The following MSI2 variants were observed in gnomAD, a reference collection of about 807,000 sequenced individuals.
MSI2 encodes the protein musashi RNA binding protein 2, also known as RNA-binding protein Musashi homolog 2.
MSI2 carries 17 observed loss-of-function variants against 45.6 expected under a neutral mutation model. The ratio of observed to expected loss-of-function variants is 0.37; its 90% CI spans 0.26 to 0.56. The LOEUF (loss-of-function observed/expected upper bound fraction) is 0.56. MSI2 is among the 20% of genes least tolerant of loss of function. The probability of loss-of-function intolerance (pLI) is 0.77; values close to 1 mark genes in which losing one functional copy is unlikely to be tolerated. For missense variants in MSI2, 293 were observed against 444.2 expected (o/e 0.66, Z 3.06); for synonymous variants, 156 against 158.2 (o/e 0.99, Z 0.11).
chr17:57,482,291 A>G (rs1211497273), intron 6 of MSI2, among the ~76,000 whole-genome samples: 2 of 152,204 alleles, frequency 1.3e-5, no homozygotes, highest in Non-Finnish European at 2.9e-5. Context: ...TGGAAACACC[A>G]TCGGCTCACA....
At chr17:57,619,134 C>G (rs1246748676) in intron 9 of MSI2, among the ~76,000 whole-genome samples, 1 of 152,220 alleles carries the variant, frequency 6.6e-6, no homozygotes, top group East Asian at 1.9e-4. Flanking sequence ...AAAGAGTGCT[C>G]AGCCTCCCAG....
intron 6 of MSI2, among the ~76,000 whole-genome samples, chr17:57,457,706 G>A (rs2085142270): frequency 6.6e-6 from 1 of 151,988 alleles, no homozygotes; most frequent in Admixed American, 6.6e-5. Context: ...ACCAGCCTGG[G>A]CAACATAGCA....
At chr17:57,363,314 C>T (rs145431859) in intron 5 of MSI2, among the ~76,000 whole-genome samples, 149 of 152,336 alleles carry the variant, frequency 9.8e-4, no homozygotes, top group African/African-American at 3.5e-3. Context: ...ATCCATAGAG[C>T]TCCCCACCCC....
intron 13 of MSI2, among the ~76,000 whole-genome samples, chr17:57,679,141 G>C (rs936374947): frequency 6.6e-6 from 1 of 151,950 alleles, no homozygotes; most frequent in South Asian, 2.1e-4. Flanking sequence ...TTTTTTGTTT[G>C]TTTGTTTGTT....
At chr17:57,694,611 G>T in the MSI2 span, among the ~76,000 whole-genome samples, 1 of 151,516 alleles carries the variant, frequency 6.6e-6, no homozygotes, top group South Asian at 2.1e-4. Context: ...TTTTTTTTTA[G>T]AAGGCTAAGC....
chr17:57,381,356 G>A (rs998380987), intron 5 of MSI2, among the ~76,000 whole-genome samples: 6 of 152,108 alleles, frequency 3.9e-5, no homozygotes, highest in African/African-American at 1.4e-4. Flanking sequence ...GTGAGCCACC[G>A]TGCCTGGCCA....
At chr17:57,597,588 T>C (rs1295758441) in intron 8 of MSI2, among the ~76,000 whole-genome samples, 1 of 151,666 alleles carries the variant, frequency 6.6e-6, no homozygotes, top group Non-Finnish European at 1.5e-5. Flanking sequence ...ATCACACCAC[T>C]GTACTCCAGC....
At chr17:57,385,077 G>T (rs148805851) in intron 5 of MSI2, among the ~76,000 whole-genome samples, 11 of 152,160 alleles carry the variant, frequency 7.2e-5, no homozygotes, top group Non-Finnish European at 1.5e-4. Context: ...CCTTGCTTTA[G>T]TTCAGGGTCC....
chr17:57,443,197 C>G (rs1414478868), intron 6 of MSI2, among the ~76,000 whole-genome samples: 1 of 152,144 alleles, frequency 6.6e-6, no homozygotes, highest in Non-Finnish European at 1.5e-5. Context: ...TGGCTTCGGC[C>G]TTGGGTAAAG....
intron 5 of MSI2, among the ~76,000 whole-genome samples, chr17:57,393,682 T>G (rs956332273): frequency 1.3e-5 from 2 of 152,100 alleles, no homozygotes; most frequent in Non-Finnish European, 2.9e-5. Flanking sequence ...GTTTATTTAT[T>G]TATTTATTTA....
intron 7 of MSI2, among the ~76,000 whole-genome samples, chr17:57,533,724 C>T (rs531063446): frequency 6.6e-6 from 1 of 152,280 alleles, no homozygotes; most frequent in South Asian, 2.1e-4. Flanking sequence ...TTGCGATGCC[C>T]TTCTGTAATG....
rs961478745 is a variant in MSI2 at position 57,529,902 on chromosome 17, C to G, written c.454+178C>G. 6.6e-6 allele frequency among the ~76,000 whole-genome samples: 1 copy of G among 152,168 alleles called. No homozygotes were observed. The highest frequency in any genetic ancestry group is 1.5e-5 in the Non-Finnish European group (1 of 68,030). On this transcript the variant is annotated intron_variant, in intron 7 of 13. Transcript: ENST00000284073. This position sits in a 1 kb window ranked among gnomAD's most constrained non-coding sequence, Gnocchi z 5.3. ...CCCAGTAGCACAAAGAGTTCCAGTA[C>G]TGGATAGCTGAAAAACCATTTCCTT... is the stretch of plus-strand genomic sequence containing the variant.
chr17:57,644,161 T>C (rs867295731), intron 10 of MSI2, among the ~76,000 whole-genome samples: 1 of 151,756 alleles, frequency 6.6e-6, no homozygotes. Flanking sequence ...TCCCAAAAAA[T>C]ATGTGTTTAA....
chr17:57,471,680 G>A (rs2085440325), intron 6 of MSI2, among the ~76,000 whole-genome samples: 1 of 152,188 alleles, frequency 6.6e-6, no homozygotes, highest in South Asian at 2.1e-4. Flanking sequence ...GCGTGCAGCT[G>A]CAGGAGACCA....
At chr17:57,424,722 A>G (rs1432530993) in intron 6 of MSI2, among the ~76,000 whole-genome samples, 1 of 151,070 alleles carries the variant, frequency 6.6e-6, no homozygotes, top group Non-Finnish European at 1.5e-5. Context: ...AGTGTTTCCC[A>G]TGGGAGTTGC....
intron 6 of MSI2, among the ~76,000 whole-genome samples, chr17:57,508,491 TA>T (rs2086284486): frequency 6.6e-6 from 1 of 152,196 alleles, no homozygotes; most frequent in African/African-American, 2.4e-5. Context: ...ATTTGAAGGC[TA>T]AAGTTTAGGG....
At chr17:57,298,749 C>T (rs148181230) in intron 5 of MSI2, among the ~76,000 whole-genome samples, 2 of 152,292 alleles carry the variant, frequency 1.3e-5, no homozygotes, top group East Asian at 1.9e-4. Flanking sequence ...TCTTAAGGGC[C>T]CTAGGAATTT....
At chr17:57,296,667 G>T (rs963498105) in intron 5 of MSI2, among the ~76,000 whole-genome samples, 3 of 152,064 alleles carry the variant, frequency 2.0e-5, no homozygotes, top group Admixed American at 1.3e-4. Flanking sequence ...ACAGAAAAAA[G>T]ACATCAGTAA....
chr17:57,391,474 G>A (rs1485001769), intron 5 of MSI2, among the ~76,000 whole-genome samples: 1 of 152,130 alleles, frequency 6.6e-6, no homozygotes, highest in Non-Finnish European at 1.5e-5. Context: ...CTTGAAAATG[G>A]GAACTTCCTA....
Sources: gnomAD v4.1 joint callset for allele counts (sites outside exome capture counted in the v4.1 genomes callset) on GRCh38, gnomAD v4.1.1 for gene constraint, Gnocchi (gnomAD v3.1) non-coding constraint, MANE v1.5 for transcripts, NCBI Gene and HGNC (gene_info 2026-07-23, HGNC 2026-07-21) for gene names.